Variants in KIAA1328 observed in about 807,000 individuals in gnomAD.
KIAA1328 encodes KIAA1328.
A neutral mutation model predicts 68.1 loss-of-function variants in KIAA1328; 52 were observed. The observed-to-expected ratio is 0.76, with a 90% CI of 0.61 to 0.96. The LOEUF is 0.96. Ranked by LOEUF, KIAA1328 falls within the 40% of genes least tolerant of loss-of-function variation. The pLI is 0.00. For synonymous variants in KIAA1328, 232 were observed against 239.4 expected, an observed-to-expected ratio of 0.97 and a Z score of 0.28; for missense variants, 641 against 677.6, an observed-to-expected ratio of 0.95 and a Z score of 0.60.
intron 5 of KIAA1328, among the ~76,000 whole-genome samples, chr18:36,889,336 G>A (rs2048603221): frequency 6.6e-6 from 1 of 152,130 alleles, no homozygotes; most frequent in African/African-American, 2.4e-5. Flanking sequence ...GAAACATGTT[G>A]GCATGTAATA....
intron 5 of KIAA1328, among the ~76,000 whole-genome samples, chr18:36,890,697 G>A (rs2048658072): frequency 6.6e-6 from 1 of 152,032 alleles, no homozygotes; most frequent in Non-Finnish European, 1.5e-5. Context: ...TAACAGTAAT[G>A]TACAAAACCT....
chr18:37,196,007 A>ACTT (rs2059997212), intron 9 of KIAA1328, among the ~76,000 whole-genome samples: 1 of 151,850 alleles, frequency 6.6e-6, no homozygotes, highest in Admixed American at 6.6e-5. Context: ...CCTTATAGAG[A>ACTT]TCTTTCTTTT....
At position 37,160,372 on chromosome 18, in the gene KIAA1328, C is replaced by A. The variant is rs2059252591; in HGVS notation, c.1405C>A (p.Pro469Thr). ...ATGTCAAAAGAAAGATACATGTAGACCCCAAAGAGGTAAGTTTAACAACTG... is the reference window on the plus strand; with the variant it reads ...ATGTCAAAAGAAAGATACATGTAGAACCCAAAGAGGTAAGTTTAACAACTG... ...WSCQKKDTCR[P>T]QRGTVTGVRK... Residue 469 changes from proline (P) to threonine (T), a missense_variant, in exon 8 of 10, where the codon CCC becomes ACC. By Grantham distance (38) the Pro-to-Thr change is conservative (BLOSUM62 -1). Transcript: ENST00000280020. 1 of 1,611,598 alleles carries A rather than the reference C, an allele frequency of 6.2e-7. No homozygotes were observed. Among genetic ancestry groups the A allele is most frequent in the Non-Finnish European group, 8.5e-7 (1 of 1,178,822 alleles).
chr18:37,099,402 T>C (rs1247715425), intron 7 of KIAA1328, among the ~76,000 whole-genome samples: 7 of 152,246 alleles, frequency 4.6e-5, no homozygotes, highest in Non-Finnish European at 1.0e-4. Flanking sequence ...AGTTTCTTGA[T>C]CCTGAGTTCT....
At chr18:36,898,903 T>G (rs1276434650) in intron 5 of KIAA1328, among the ~76,000 whole-genome samples, 1 of 152,000 alleles carries the variant, frequency 6.6e-6, no homozygotes, top group African/African-American at 2.4e-5. Flanking sequence ...GCTTTACACA[T>G]TTCTTAGGAT....
chr18:37,142,214 T>C (rs1402319576), intron 7 of KIAA1328, among the ~76,000 whole-genome samples: 1 of 152,008 alleles, frequency 6.6e-6, no homozygotes, highest in Non-Finnish European at 1.5e-5. Context: ...TTTTTGGGGA[T>C]GGAGTCTCGC....
chr18:36,918,710 C>T (rs191116286), intron 5 of KIAA1328, among the ~76,000 whole-genome samples: 16 of 151,440 alleles, frequency 1.1e-4, no homozygotes, highest in South Asian at 2.1e-4. Flanking sequence ...CCACTGCGCC[C>T]GGCCTTTCTA....
Position 36,984,904 on chromosome 18 carries a change from C to CA in KIAA1328, c.576+25493dup, listed in dbSNP as rs56357519. Among the ~76,000 whole-genome samples the CA allele has an allele frequency of 9.8e-3, 787 of 80,508 alleles. 9 individuals carry two copies. Among genetic ancestry groups the CA allele is most frequent in the African/African-American group, 0.019 (381 of 20,124 alleles). 52.8% of individuals were successfully genotyped at this position (80,508 alleles called of 152,430 possible). A position where few individuals can be genotyped will look rare whatever the true frequency, so the allele number is the denominator to read the frequency against. On this transcript the variant is annotated intron_variant, in intron 6 of 9. Coordinates refer to ENST00000280020, the MANE Select transcript of KIAA1328 (RefSeq NM_020776.3). Reference sequence around the variant, plus strand: ...CTGGAGACAGAGCAAGACTCCATCTCAAAAAAAAAAAAAAAAAAAAAAAAT... The same window carrying CA: ...CTGGAGACAGAGCAAGACTCCATCTCAAAAAAAAAAAAAAAAAAAAAAAAAT...
chr18:37,102,589 A>G lies in KIAA1328; in HGVS notation c.1232+35044A>G, dbSNP rs1055031398. Among the ~76,000 whole-genome samples the G allele has an allele frequency of 1.1e-4, 16 of 152,330 alleles. 1 individual carries two copies. The highest frequency in any genetic ancestry group is 8.5e-4 in the Admixed American group (13 of 15,300). On this transcript the variant is annotated intron_variant, in intron 7 of 9. Coordinates refer to ENST00000280020, the MANE Select transcript of KIAA1328 (RefSeq NM_020776.3). ...TAGAAGAAACATACCTCAACTTAAT[A>G]AACGCCATGTATGACAAACCCACAG...
intron 7 of KIAA1328, among the ~76,000 whole-genome samples, chr18:37,121,376 C>T (rs1288406505): frequency 6.6e-6 from 1 of 152,048 alleles, no homozygotes; most frequent in Non-Finnish European, 1.5e-5. Flanking sequence ...TAATGTCAAC[C>T]TGACATAATT....
At chr18:37,036,478 A>G (rs944726259) in intron 6 of KIAA1328, among the ~76,000 whole-genome samples, 3 of 152,218 alleles carry the variant, frequency 2.0e-5, no homozygotes, top group African/African-American at 7.2e-5. Flanking sequence ...CCTTTTACAT[A>G]CAACTCATTT....
chr18:36,896,117 A>C (rs941018087), intron 5 of KIAA1328, among the ~76,000 whole-genome samples: 3 of 152,180 alleles, frequency 2.0e-5, no homozygotes, highest in African/African-American at 7.2e-5. Context: ...TCAGCTTAGA[A>C]GGCTTTTCAG....
At chr18:36,989,784 C>T (rs2053097388) in intron 6 of KIAA1328, among the ~76,000 whole-genome samples, 1 of 152,024 alleles carries the variant, frequency 6.6e-6, no homozygotes, top group South Asian at 2.1e-4. Context: ...AAGCTCCGCC[C>T]CCCGGGTTCA....
intron 6 of KIAA1328, among the ~76,000 whole-genome samples, chr18:36,990,108 C>T (rs2053114641): frequency 6.6e-6 from 1 of 152,140 alleles, no homozygotes; most frequent in Non-Finnish European, 1.5e-5. Flanking sequence ...TCTGTATTCT[C>T]CTTCAGCAAT....
intron 1 of KIAA1328, chr18:36,829,406 A>T (rs1292231966): frequency 2.4e-5 from 32 of 1,348,840 alleles, no homozygotes; most frequent in Non-Finnish European, 3.0e-5. Context: ...AGGTGTGGGG[A>T]CACGGCTCAG....
At chr18:37,022,729 T>C (rs2054395533) in intron 6 of KIAA1328, among the ~76,000 whole-genome samples, 1 of 152,204 alleles carries the variant, frequency 6.6e-6, no homozygotes, top group Non-Finnish European at 1.5e-5. Context: ...TTCTGCAATT[T>C]CTTATATTTA....
chr18:37,210,733 C>A (rs945152179), intron 9 of KIAA1328, among the ~76,000 whole-genome samples: 3 of 152,170 alleles, frequency 2.0e-5, no homozygotes, highest in Non-Finnish European at 4.4e-5. Context: ...AGTGTAAAAT[C>A]CCATAGGAAT....
intron 7 of KIAA1328, among the ~76,000 whole-genome samples, chr18:37,158,731 G>A (rs2059211881): frequency 6.6e-6 from 1 of 152,124 alleles, no homozygotes; most frequent in South Asian, 2.1e-4. Context: ...TTTGAATAAA[G>A]GTACAGAAAA....
chr18:37,160,464 A>G (rs2059255346), intron 8 of KIAA1328, 83 bp downstream of exon 8: 3 of 1,302,432 alleles, frequency 2.3e-6, no homozygotes, highest in Non-Finnish European at 3.2e-6. Flanking sequence ...ATGATTTCCT[A>G]CAATGCTGAG....
Sources: allele counts gnomAD v4.1 joint callset (sites outside exome capture counted in the v4.1 genomes callset), GRCh38; gene constraint gnomAD v4.1.1; transcripts MANE v1.5; gene names NCBI Gene and HGNC (gene_info 2026-07-23, HGNC 2026-07-21).